The following DOCK8 variants were observed in gnomAD, a reference collection of about 807,000 sequenced individuals.
DOCK8 encodes the protein dedicator of cytokinesis 8, also known as dedicator of cytokinesis protein 8.
DOCK8 carries 141 observed loss-of-function variants against 245.6 expected under a neutral mutation model. The ratio of observed to expected loss-of-function variants is 0.57; its 90% CI spans 0.50 to 0.66. DOCK8 has a LOEUF of 0.66. DOCK8 is among the 30% of genes least tolerant of loss of function. The pLI is 0.00. For synonymous variants in DOCK8, 1,168 were observed against 970.2 expected, an observed-to-expected ratio of 1.20 and a Z score of -3.79; for missense variants, 2,965 against 2,603.4, an observed-to-expected ratio of 1.14 and a Z score of -3.02.
chr9:411,394 CAA>C (rs1029021750), intron 28 of DOCK8, among the ~76,000 whole-genome samples: 1 of 150,038 alleles, frequency 6.7e-6, no homozygotes, highest in Non-Finnish European at 1.5e-5. Context: ...GCCTGGGCAA[CAA>C]GAGCAAAACT....
intron 5 of DOCK8, among the ~76,000 whole-genome samples, chr9:308,384 T>C (rs754621530): frequency 9.9e-5 from 15 of 152,220 alleles, no homozygotes; most frequent in Non-Finnish European, 1.8e-4. Context: ...AAGTTGTTTG[T>C]TTTGAAATAT....
intron 26 of DOCK8, among the ~76,000 whole-genome samples, chr9:400,009 ACCATCACCACCACCT>A (rs1402589311): frequency 5.7e-4 from 58 of 101,270 alleles, no homozygotes; most frequent in African/African-American, 2.0e-3. Flanking sequence ...CACCACCTCC[ACCATCACCACCACCT>A]CCACCATCAC....
chr9:329,137 G>A (rs924191752), intron 9 of DOCK8, among the ~76,000 whole-genome samples: 2 of 151,328 alleles, frequency 1.3e-5, no homozygotes, highest in East Asian at 1.9e-4. Flanking sequence ...TTTTTAGTAG[G>A]GACAGGATTT....
intron 2 of DOCK8, among the ~76,000 whole-genome samples, chr9:272,516 G>T (rs916665811): frequency 2.6e-5 from 4 of 152,090 alleles, no homozygotes; most frequent in Non-Finnish European, 2.9e-5. Flanking sequence ...CTCCCAAGTA[G>T]CCGGGACTAC....
chr9:400,264 T>TTCA (rs1564013042), intron 26 of DOCK8, among the ~76,000 whole-genome samples: 8 of 35,196 alleles, frequency 2.3e-4, no homozygotes, highest in Admixed American at 3.0e-4. Flanking sequence ...CACCACCACC[T>TTCA]CCACCATCAC....
At chr9:392,932 A>G (rs937606799) in intron 24 of DOCK8, among the ~76,000 whole-genome samples, 1 of 151,928 alleles carries the variant, frequency 6.6e-6, no homozygotes, top group African/African-American at 2.4e-5. Context: ...GCAAAAATGA[A>G]AAAATTACCT....
chr9:274,560 G>A (rs2048271989), intron 2 of DOCK8, among the ~76,000 whole-genome samples: 1 of 146,186 alleles, frequency 6.8e-6, no homozygotes, highest in South Asian at 2.2e-4. Context: ...GTATCGTGTT[G>A]TAATGTCAGA....
intron 15 of DOCK8, chr9:369,954 A>ACCACGC (rs1223887442): frequency 2.2e-6 from 1 of 459,158 alleles, no homozygotes; most frequent in Non-Finnish European, 4.0e-6. Flanking sequence ...CGCATGTGCC[A>ACCACGC]CCACGCCTGG....
intron 1 of DOCK8, among the ~76,000 whole-genome samples, chr9:256,198 C>T (rs143999700): frequency 6.6e-6 from 1 of 152,148 alleles, no homozygotes; most frequent in African/African-American, 2.4e-5. Context: ...CTTTCTGAGC[C>T]CTGCAGGAAA....
chr9:266,749 T>G (rs2048042530), intron 1 of DOCK8, among the ~76,000 whole-genome samples: 1 of 152,180 alleles, frequency 6.6e-6, no homozygotes, highest in African/African-American at 2.4e-5. Flanking sequence ...CAATGGGTAT[T>G]GACATTTTAA....
chr9:395,880 G>A (rs1400766405), intron 24 of DOCK8, among the ~76,000 whole-genome samples: 2 of 152,076 alleles, frequency 1.3e-5, no homozygotes, highest in Non-Finnish European at 2.9e-5. Context: ...GATACGATAT[G>A]TATATGTATG....
intron 5 of DOCK8, among the ~76,000 whole-genome samples, chr9:307,048 A>C (rs533398860): frequency 1.9e-4 from 29 of 152,280 alleles, no homozygotes; most frequent in African/African-American, 7.0e-4. Context: ...GAAGGCTAGA[A>C]CCAGCTGTCA....
In DOCK8 at chr9:432,246, C is replaced by G; in HGVS notation, c.4707C>G (p.His1569Gln). 6.2e-7 allele frequency: 1 copy of G among 1,613,554 alleles called. No individual in the cohort carries two copies. The highest frequency in any genetic ancestry group is 1.1e-5 in the South Asian group (1 of 91,066). ...GAGCACCAGACTTTAATGAAGAGCA[C>G]CTGAGAAGATCCTTGAGGACAATTT... ...VGRAPDFNEE[H>Q]LRRSLRTILA... Residue 1569 changes from histidine (H) to glutamine (Q), a missense_variant, in exon 37 of 48, where the codon CAC becomes CAG. This residue lies in a region of DOCK8 where 2,825 missense variants were observed against 2,453.5 expected (regional missense o/e 1.15). Coordinates refer to ENST00000432829, the MANE Select transcript of DOCK8 (RefSeq NM_203447.4).
chr9:450,967 A>G (rs1209764779), intron 45 of DOCK8, among the ~76,000 whole-genome samples: 3 of 151,944 alleles, frequency 2.0e-5, no homozygotes, highest in Non-Finnish European at 4.4e-5. Context: ...ATGTAGTTGT[A>G]TTACACTTAT....
intron 1 of DOCK8, among the ~76,000 whole-genome samples, chr9:241,677 G>A (rs1353232955): frequency 6.6e-6 from 1 of 152,138 alleles, no homozygotes; most frequent in Admixed American, 6.5e-5. Context: ...AAATGCTGCA[G>A]GAAACATGGG....
intron 39 of DOCK8, among the ~76,000 whole-genome samples, chr9:436,546 T>C (rs2056909014): frequency 6.6e-6 from 1 of 152,232 alleles, no homozygotes; most frequent in Non-Finnish European, 1.5e-5. Context: ...ATATTTTATT[T>C]TATATTTATC....
chr9:287,992 A>G (rs557220814), intron 3 of DOCK8, among the ~76,000 whole-genome samples: 3 of 152,058 alleles, frequency 2.0e-5, no homozygotes, highest in Admixed American at 6.6e-5. Context: ...TGGGTAAAAT[A>G]GTGAGACCCT....
rs867028810 is a variant in DOCK8, at chr9:426,955, C to T, written c.4312C>T (p.Leu1438=). The change falls in exon 34 of 48, where the codon CTG becomes TTG. Residue 1438 remains leucine (L), a synonymous_variant. Transcript: ENST00000432829. ...NLATEAHLII[L]DMQENIIQAS... ...GGCTACAGAAGCACATTTAATCATC[C>T]TGGATATGCAGGAAAACATTATCCA... 1 of 1,614,040 alleles carries T rather than the reference C, an allele frequency of 6.2e-7. No homozygotes were observed.
intron 14 of DOCK8, among the ~76,000 whole-genome samples, chr9:360,312 T>C (rs1471081105): frequency 1.4e-5 from 2 of 142,586 alleles, no homozygotes. Context: ...CAAGACTCCA[T>C]CTCAAAATTT....
Sources: allele counts gnomAD v4.1 joint callset (sites outside exome capture counted in the v4.1 genomes callset), GRCh38; gene constraint gnomAD v4.1.1; regional missense constraint gnomAD v4.1.1; transcripts MANE v1.5; gene names NCBI Gene and HGNC (gene_info 2026-07-23, HGNC 2026-07-21).